The following SGCD variants were observed in gnomAD, a reference collection of about 807,000 sequenced individuals.
SGCD encodes the protein sarcoglycan delta.
SGCD carries 18 observed loss-of-function variants against 36.6 expected under a neutral mutation model. That is an observed-to-expected ratio of 0.49 (90% CI 0.34 to 0.73). The LOEUF (loss-of-function observed/expected upper bound fraction) is 0.73, where lower values mean the gene tolerates loss of function less well. SGCD is among the 30% of genes least tolerant of loss of function. SGCD has a pLI of 0.01. For synonymous variants in SGCD, 133 were observed against 130.6 expected (o/e 1.02, Z -0.12); for missense variants, 387 against 346.7 (o/e 1.12, Z -0.92).
rs1171072619 is a variant in SGCD at position 156,032,706 on chromosome 5, C to CAAAAAAAAAAAAAAA, written c.-281-85156_-281-85142dup. On this transcript the variant is annotated intron_variant, in intron 1 of 9. Coordinates refer to the SGCD transcript ENST00000517913. ...TGGGCGACAGAGCAAGACTCCGTCT[C>CAAAAAAAAAAAAAAA]AAAAAAAAAAAAAAAAAAAAAAAAA... 1.6e-3 allele frequency among the ~76,000 whole-genome samples: 24 copies of CAAAAAAAAAAAAAAA among 15,064 alleles called. 8 individuals carry two copies. Among genetic ancestry groups the CAAAAAAAAAAAAAAA allele is most frequent in the African/African-American group, 3.4e-3 (23 of 6,704 alleles). 9.9% of individuals were successfully genotyped at this position (15,064 alleles called of 152,430 possible).
In SGCD at chr5:155,889,231, CG is replaced by C. The variant is rs577141868; in HGVS notation, c.-282+18808del. On this transcript the variant is annotated intron_variant, in intron 1 of 9. Coordinates refer to the SGCD transcript ENST00000517913. Reference sequence around the variant, plus strand: ...AGAAACAAGTAAATGAACTTACCCACGTAGAGGAAATTTAAGTAACCTCATA... The same window carrying C: ...AGAAACAAGTAAATGAACTTACCCACTAGAGGAAATTTAAGTAACCTCATA... Among the ~76,000 whole-genome samples the C allele has an allele frequency of 5.5e-4, 84 of 151,996 alleles. No individual in the cohort carries two copies. In the East Asian group the frequency reaches 0.012, roughly 22 times the overall value.
chr5:156,472,625 C>T (rs1755021633), intron 3 of SGCD, among the ~76,000 whole-genome samples: 1 of 152,100 alleles, frequency 6.6e-6, no homozygotes, highest in Admixed American at 6.6e-5. Flanking sequence ...ACCATGTTGA[C>T]CAGGCTGGTC....
At chr5:156,450,962 G>A (rs1421021391) in intron 3 of SGCD, among the ~76,000 whole-genome samples, 1 of 152,090 alleles carries the variant, frequency 6.6e-6, no homozygotes, top group Non-Finnish European at 1.5e-5. Context: ...ATTCCTGAAA[G>A]AAGGGTTTTA....
At chr5:156,167,672 T>G (rs1763246151) in intron 3 of SGCD, among the ~76,000 whole-genome samples, 1 of 152,144 alleles carries the variant, frequency 6.6e-6, no homozygotes, top group African/African-American at 2.4e-5. Context: ...TCTCTTGTCG[T>G]GTGATACGCC....
intron 3 of SGCD, among the ~76,000 whole-genome samples, chr5:156,159,862 A>T (rs1763050543): frequency 6.6e-6 from 1 of 151,598 alleles, no homozygotes; most frequent in Admixed American, 6.6e-5. Flanking sequence ...CTACATGAGA[A>T]TACCTTCTTT....
chr5:155,978,488 A>G (rs1444080732), intron 1 of SGCD, among the ~76,000 whole-genome samples: 1 of 152,254 alleles, frequency 6.6e-6, no homozygotes, highest in Admixed American at 6.5e-5. Context: ...AACTGTGTCA[A>G]TGGATTGCCT....
intron 4 of SGCD, among the ~76,000 whole-genome samples, chr5:156,521,571 A>G (rs952849294): frequency 3.9e-5 from 6 of 152,218 alleles, no homozygotes; most frequent in African/African-American, 1.4e-4. Flanking sequence ...AGAAGGATGC[A>G]TGTCGCCAAC....
At chr5:155,984,378 C>G (rs1758288929) in intron 1 of SGCD, among the ~76,000 whole-genome samples, 1 of 152,058 alleles carries the variant, frequency 6.6e-6, no homozygotes, top group Admixed American at 6.5e-5. Flanking sequence ...GAGGAGAGGC[C>G]TGTACTTTGT....
intron 1 of SGCD, among the ~76,000 whole-genome samples, chr5:156,111,438 G>A (rs79446952): frequency 0.011 from 1,618 of 152,264 alleles, 13 homozygotes; most frequent in Non-Finnish European, 0.018. Flanking sequence ...CAGAGAAGTG[G>A]AAATCATTTA....
At chr5:155,831,666 A>G in the SGCD span, among the ~76,000 whole-genome samples, 163 of 152,332 alleles carry the variant, frequency 1.1e-3, no homozygotes, top group African/African-American at 3.8e-3. Context: ...CCCCCGTCAC[A>G]AATCCCCACT....
At chr5:156,287,627 TTGTG>T (rs70982002) in intron 3 of SGCD, among the ~76,000 whole-genome samples, 1,995 of 146,228 alleles carry the variant, frequency 0.014, 26 homozygotes, top group Middle Eastern at 0.041. Flanking sequence ...TTCCGTTTCT[TTGTG>T]TGTGTGTGTG....
At chr5:156,299,672 C>T (rs1766999471) in intron 3 of SGCD, among the ~76,000 whole-genome samples, 1 of 151,952 alleles carries the variant, frequency 6.6e-6, no homozygotes, top group Non-Finnish European at 1.5e-5. Context: ...CAGCTTACTC[C>T]TAGTTGTCTT....
At chr5:155,808,747 T>C in the SGCD span, among the ~76,000 whole-genome samples, 1 of 152,232 alleles carries the variant, frequency 6.6e-6, no homozygotes, top group Admixed American at 6.5e-5. Context: ...AAAATAGTAG[T>C]GTTTAAAACA....
At chr5:156,195,340 G>C (rs1306304986) in intron 3 of SGCD, among the ~76,000 whole-genome samples, 1 of 152,138 alleles carries the variant, frequency 6.6e-6, no homozygotes, top group South Asian at 2.1e-4. Context: ...TGCCATTAGA[G>C]AAATTAGTGT....
chr5:156,020,854 A>C (rs967556236), intron 1 of SGCD, among the ~76,000 whole-genome samples: 4 of 152,206 alleles, frequency 2.6e-5, no homozygotes, highest in African/African-American at 9.7e-5. Flanking sequence ...GCAGTTTATG[A>C]GGCTGCATTT....
intron 3 of SGCD, among the ~76,000 whole-genome samples, chr5:156,227,482 C>T (rs989285823): frequency 9.9e-5 from 15 of 152,212 alleles, no homozygotes; most frequent in African/African-American, 3.4e-4. Flanking sequence ...ATACCAGTAC[C>T]ATGCTGTTTT....
intron 3 of SGCD, among the ~76,000 whole-genome samples, chr5:156,196,982 A>C (rs564416032): frequency 6.6e-6 from 1 of 152,298 alleles, no homozygotes; most frequent in Admixed American, 6.5e-5. Flanking sequence ...TTAGTTTATT[A>C]ATATTATGAA....
chr5:155,907,292 G>A (rs1381870211), intron 1 of SGCD, among the ~76,000 whole-genome samples: 1 of 152,110 alleles, frequency 6.6e-6, no homozygotes, highest in Non-Finnish European at 1.5e-5. Context: ...TGATGGGGAT[G>A]TACAAGGAGA....
intron 3 of SGCD, among the ~76,000 whole-genome samples, chr5:156,236,835 A>G (rs1479679062): frequency 1.3e-5 from 2 of 149,866 alleles, no homozygotes; most frequent in African/African-American, 4.9e-5. Flanking sequence ...TTGCTGAGCC[A>G]GATTTTTTTT....
Sources: gnomAD v4.1 joint callset for allele counts (sites outside exome capture counted in the v4.1 genomes callset) on GRCh38, gnomAD v4.1.1 for gene constraint, MANE v1.5 for transcripts, NCBI Gene and HGNC (gene_info 2026-07-23, HGNC 2026-07-21) for gene names.